Variants in ATP2B2 observed in about 807,000 individuals in gnomAD.
The protein encoded by ATP2B2 is ATPase plasma membrane Ca2+ transporting 2.
Under a neutral mutation model 120.0 loss-of-function variants are expected in ATP2B2, and 15 were observed. The ratio of observed to expected loss-of-function variants is 0.12; its 90% confidence interval spans 0.08 to 0.19. The LOEUF (loss-of-function observed/expected upper bound fraction) is 0.19, where lower values mean the gene tolerates loss of function less well. ATP2B2 is among the 10% of genes least tolerant of loss of function. The probability of loss-of-function intolerance (pLI) is 1.00; values close to 1 mark genes in which losing one functional copy is unlikely to be tolerated. For missense variants in ATP2B2, 1,045 were observed against 1,719.8 expected (o/e 0.61, Z 6.94); for synonymous variants, 694 against 700.3 (o/e 0.99, Z 0.14).
chr3:10,438,695 G>A (rs868146640), intron 2 of ATP2B2, among the ~76,000 whole-genome samples: 5 of 152,210 alleles, frequency 3.3e-5, no homozygotes, highest in Non-Finnish European at 5.9e-5. Context: ...TAACTTACCC[G>A]CCCTGTCTGG....
intron 5 of ATP2B2, among the ~76,000 whole-genome samples, chr3:10,389,825 G>T (rs943023712): frequency 1.4e-4 from 21 of 152,122 alleles, no homozygotes; most frequent in African/African-American, 5.1e-4. Flanking sequence ...TGAAGCCATG[G>T]CCTCACTGGG....
At chr3:10,378,155 C>T (rs2061430445) in intron 10 of ATP2B2, 97 bp downstream of exon 10, 1 of 1,499,474 alleles carries the variant, frequency 6.7e-7, no homozygotes, top group African/African-American at 1.4e-5. Context: ...AAGCCCCCCA[C>T]TTTGCAGATG....
At chr3:10,467,992 A>T (rs2064822137) in intron 1 of ATP2B2, among the ~76,000 whole-genome samples, 1 of 152,140 alleles carries the variant, frequency 6.6e-6, no homozygotes, top group South Asian at 2.1e-4. Context: ...CCCGACCAGG[A>T]TTTGCATTAG....
intron 2 of ATP2B2, among the ~76,000 whole-genome samples, chr3:10,562,413 T>C (rs2067922609): frequency 1.3e-5 from 2 of 152,162 alleles, no homozygotes; most frequent in African/African-American, 4.8e-5. Flanking sequence ...GTTCTCAGAA[T>C]GAGCTGCCCT....
intron 2 of ATP2B2, among the ~76,000 whole-genome samples, chr3:10,542,642 T>C (rs2067464367): frequency 6.6e-6 from 1 of 152,240 alleles, no homozygotes; most frequent in Non-Finnish European, 1.5e-5. Context: ...TTCTATTCTT[T>C]CAGCATTTGA....
intron 3 of ATP2B2, among the ~76,000 whole-genome samples, chr3:10,521,713 C>T (rs2066988541): frequency 6.6e-6 from 1 of 152,226 alleles, no homozygotes; most frequent in African/African-American, 2.4e-5. Flanking sequence ...TGATTGTGAA[C>T]TCCTTAGGGA....
intron 2 of ATP2B2, among the ~76,000 whole-genome samples, chr3:10,551,214 C>G (rs2067662607): frequency 6.6e-6 from 1 of 152,208 alleles, no homozygotes; most frequent in Non-Finnish European, 1.5e-5. Context: ...AGCTCCTATT[C>G]TTAAGGAGCT....
At chr3:10,478,011 G>C (rs2065267366) in intron 1 of ATP2B2, among the ~76,000 whole-genome samples, 1 of 152,206 alleles carries the variant, frequency 6.6e-6, no homozygotes, top group African/African-American at 2.4e-5. Context: ...TAGAATGCAA[G>C]AGTGTTCTAA....
At chr3:10,357,884 A>C (rs1255881640) in intron 14 of ATP2B2, among the ~76,000 whole-genome samples, 1 of 152,206 alleles carries the variant, frequency 6.6e-6, no homozygotes, top group African/African-American at 2.4e-5. Flanking sequence ...CAGCCTGGGA[A>C]GCACCACAGA....
At chr3:10,358,288 T>C (rs572346034) in intron 14 of ATP2B2, among the ~76,000 whole-genome samples, 26 of 152,204 alleles carry the variant, frequency 1.7e-4, no homozygotes, top group Non-Finnish European at 3.8e-4. Context: ...GTGTGTCCTT[T>C]GTAGGGACCC....
At chr3:10,683,114 G>T (rs1028336283) in intron 1 of ATP2B2, among the ~76,000 whole-genome samples, 1 of 151,098 alleles carries the variant, frequency 6.6e-6, no homozygotes, top group Non-Finnish European at 1.5e-5. Flanking sequence ...CAACCCCTCT[G>T]CCAGGGTTTT....
intron 10 of ATP2B2, among the ~76,000 whole-genome samples, chr3:10,376,936 G>A (rs538515059): frequency 6.6e-6 from 1 of 152,152 alleles, no homozygotes; most frequent in African/African-American, 2.4e-5. Flanking sequence ...AGCTGCCCCC[G>A]GCTTCTTCCC....
intron 8 of ATP2B2, among the ~76,000 whole-genome samples, chr3:10,384,043 A>G (rs7614749): frequency 0.096 from 14,657 of 152,190 alleles, 1,234 homozygotes; most frequent in African/African-American, 0.22. Flanking sequence ...CCAAGCTGTC[A>G]TCCTTCCTCC....
chr3:10,488,527 C>T (rs111372807), intron 1 of ATP2B2, among the ~76,000 whole-genome samples: 3 of 139,230 alleles, frequency 2.2e-5, no homozygotes, highest in Non-Finnish European at 4.8e-5. Context: ...TCCTTCCTTC[C>T]TTCTTTCCTT....
chr3:10,389,192 A>G (rs1575093042), intron 5 of ATP2B2, among the ~76,000 whole-genome samples: 1 of 151,932 alleles, frequency 6.6e-6, no homozygotes, highest in South Asian at 2.1e-4. Context: ...ATGGTGGGTG[A>G]AGGAGGCCTT....
At chr3:10,444,204 G>A (rs1007591699) in intron 2 of ATP2B2, among the ~76,000 whole-genome samples, 2 of 152,192 alleles carry the variant, frequency 1.3e-5, no homozygotes, top group African/African-American at 2.4e-5. Context: ...TGCCGACTCC[G>A]TGTCTGGGGA....
chr3:10,458,733 G>A (rs2064364460), intron 1 of ATP2B2, among the ~76,000 whole-genome samples: 1 of 152,222 alleles, frequency 6.6e-6, no homozygotes. Flanking sequence ...CCTTCCATGG[G>A]CTGTGTGGTG....
chr3:10,485,787 T>C (rs11715880), intron 1 of ATP2B2, among the ~76,000 whole-genome samples: 4 of 151,870 alleles, frequency 2.6e-5, no homozygotes, highest in South Asian at 2.1e-4. Context: ...CCGGCTCAGG[T>C]TGGGGCTTCC....
intron 2 of ATP2B2, among the ~76,000 whole-genome samples, chr3:10,435,914 G>A (rs1394358795): frequency 6.6e-6 from 1 of 152,160 alleles, no homozygotes; most frequent in Non-Finnish European, 1.5e-5. Flanking sequence ...AAGAAGAGAA[G>A]CAAAGGCCTG....
Sources: gnomAD v4.1 joint callset for allele counts (sites outside exome capture counted in the v4.1 genomes callset) on GRCh38, gnomAD v4.1.1 for gene constraint, MANE v1.5 for transcripts, NCBI Gene and HGNC (gene_info 2026-07-23, HGNC 2026-07-21) for gene names.